The following THSD4 variants were observed in gnomAD, a reference collection of about 807,000 sequenced individuals.
The protein encoded by THSD4 is thrombospondin type 1 domain containing 4.
THSD4 carries 69 observed loss-of-function variants against 119.0 expected under a neutral mutation model. The ratio of observed to expected loss-of-function variants is 0.58; its 90% CI spans 0.48 to 0.71. The LOEUF is 0.71. Ranked by LOEUF, THSD4 falls within the 30% of genes least tolerant of loss-of-function variation. The probability of loss-of-function intolerance (pLI) is 0.00; values close to 1 mark genes in which losing one functional copy is unlikely to be tolerated. For missense variants in THSD4, 1,393 were observed against 1,391.1 expected, an observed-to-expected ratio of 1.00 and a Z score of -0.02; for synonymous variants, 524 against 540.4, an observed-to-expected ratio of 0.97 and a Z score of 0.42.
At chr15:71,338,618 C>T (rs984552341) in intron 6 of THSD4, among the ~76,000 whole-genome samples, 2 of 152,106 alleles carry the variant, frequency 1.3e-5, no homozygotes, top group African/African-American at 2.4e-5. Context: ...GTATTCACTG[C>T]ATCAGGGCTG....
intron 10 of THSD4, chr15:71,732,362 G>T (rs770538944): frequency 5.9e-5 from 9 of 152,060 alleles, no homozygotes; most frequent in Non-Finnish European, 1.3e-4. Flanking sequence ...CTTCCTGGTG[G>T]GCTCTGCTTA....
intron 8 of THSD4, among the ~76,000 whole-genome samples, chr15:71,676,629 C>T (rs562131037): frequency 6.6e-6 from 1 of 152,310 alleles, no homozygotes; most frequent in East Asian, 1.9e-4. Context: ...CAATAGCCCC[C>T]TTCTTTCCCC....
At chr15:71,400,576 G>C (rs1301921429) in intron 6 of THSD4, among the ~76,000 whole-genome samples, 22 of 152,340 alleles carry the variant, frequency 1.4e-4, no homozygotes, top group Non-Finnish European at 1.5e-5. Context: ...GTCTGGCGCT[G>C]CTGTGGCTCT....
In THSD4 at chr15:71,210,079, C is replaced by T. The variant is rs1032605454; in HGVS notation, c.100-4956C>T. On this transcript the variant is annotated intron_variant, in intron 3 of 17. Transcript: ENST00000261862. Reference sequence around the variant, plus strand: ...TACATTGGGTATAAAGTCATTTAAACGCTATCACTCCAATTTTTGTGACCT... The same window carrying T: ...TACATTGGGTATAAAGTCATTTAAATGCTATCACTCCAATTTTTGTGACCT... Among the ~76,000 whole-genome samples, 21 of 152,146 alleles carry T rather than the reference C, an allele frequency of 1.4e-4. 1 individual carries two copies. The highest frequency in any genetic ancestry group is 6.5e-4 in the Admixed American group (10 of 15,276).
intron 14 of THSD4, among the ~76,000 whole-genome samples, chr15:71,757,629 AAGGAT>A (rs2053565195): frequency 6.6e-6 from 1 of 152,140 alleles, no homozygotes; most frequent in African/African-American, 2.4e-5. Context: ...AAAAGCTGGG[AAGGAT>A]AGTCTAACAA....
chr15:71,306,396 T>C lies in THSD4; in HGVS notation c.1015+49681T>C, dbSNP rs144687622. ...TCTTATGGCCAGTATCTTACTAAAC[T>C]ATTTTATCTCATTTTCATCCTCATA... On this transcript the variant is annotated intron_variant, in intron 6 of 17. Coordinates refer to ENST00000261862, the MANE Select transcript of THSD4 (RefSeq NM_024817.3). Among the ~76,000 whole-genome samples the C allele has an allele frequency of 1.7e-4, 26 of 151,468 alleles. No homozygotes were observed. In the East Asian group the frequency reaches 5.1e-3, roughly 29 times the overall value.
intron 6 of THSD4, chr15:71,341,434 G>T: frequency 6.2e-7 from 1 of 1,612,510 alleles, no homozygotes; most frequent in African/African-American, 1.3e-5. Flanking sequence ...TTTTAAGCAT[G>T]TGCAGCAAGA....
intron 10 of THSD4, chr15:71,732,297 A>G (rs777559845): frequency 2.6e-5 from 4 of 152,180 alleles, no homozygotes; most frequent in Non-Finnish European, 4.4e-5. Context: ...TGTTAATAAT[A>G]CTTTGACCTA....
chr15:71,423,845 C>T (rs2046837906), intron 7 of THSD4, among the ~76,000 whole-genome samples: 1 of 152,196 alleles, frequency 6.6e-6, no homozygotes, highest in Admixed American at 6.5e-5. Context: ...TGCCATAACT[C>T]AAGTTCCAAC....
chr15:71,446,745 G>C (rs2047187564), intron 7 of THSD4, among the ~76,000 whole-genome samples: 1 of 152,132 alleles, frequency 6.6e-6, no homozygotes, highest in African/African-American at 2.4e-5. Flanking sequence ...CAAACTCTGT[G>C]TGGCCTCCTC....
chr15:71,535,544 C>T (rs1403528063), intron 7 of THSD4, among the ~76,000 whole-genome samples: 1 of 152,116 alleles, frequency 6.6e-6, no homozygotes, highest in African/African-American at 2.4e-5. Flanking sequence ...GATACAGCTG[C>T]AGACTTTTCC....
At chr15:71,540,916 T>A (rs1260803197) in intron 7 of THSD4, among the ~76,000 whole-genome samples, 1 of 151,356 alleles carries the variant, frequency 6.6e-6, no homozygotes, top group South Asian at 2.1e-4. Flanking sequence ...AGAGATGGGG[T>A]TTCACCATGT....
At chr15:71,472,107 G>C (rs2047588881) in intron 7 of THSD4, among the ~76,000 whole-genome samples, 2 of 152,064 alleles carry the variant, frequency 1.3e-5, no homozygotes, top group African/African-American at 4.8e-5. Flanking sequence ...TGTAGAGACA[G>C]GGCCTCCCTA....
At chr15:71,401,397 A>G (rs1377106725) in intron 6 of THSD4, among the ~76,000 whole-genome samples, 2 of 152,048 alleles carry the variant, frequency 1.3e-5, no homozygotes, top group African/African-American at 2.4e-5. Context: ...ATTGGTTTTT[A>G]TTTTCTATTC....
intron 6 of THSD4, among the ~76,000 whole-genome samples, chr15:71,372,547 C>A (rs2046069373): frequency 6.6e-6 from 1 of 152,230 alleles, no homozygotes; most frequent in Admixed American, 6.5e-5. Context: ...ATGTCCACTG[C>A]AGACCCTGTT....
chr15:71,243,539 G>A (rs1055605722), intron 5 of THSD4, among the ~76,000 whole-genome samples: 8 of 152,128 alleles, frequency 5.3e-5, no homozygotes, highest in Non-Finnish European at 8.8e-5. Flanking sequence ...TTCTCTTAGG[G>A]GAAGAGCTGG....
At chr15:71,135,991 GTTTTTTTTTT>G (rs10540241) in intron 1 of THSD4, among the ~76,000 whole-genome samples, 1,578 of 69,120 alleles carry the variant, frequency 0.023, 54 homozygotes, top group African/African-American at 0.075. Context: ...GTTTAGTTTA[GTTTTTTTTTT>G]TTTTTTTTTT....
At chr15:71,326,332 C>T (rs183061003) in intron 6 of THSD4, among the ~76,000 whole-genome samples, 3 of 152,026 alleles carry the variant, frequency 2.0e-5, no homozygotes, top group East Asian at 3.9e-4. Context: ...CCAGAGTGAA[C>T]ACTCAGAAAA....
At chr15:71,302,409 G>C (rs1016090347) in intron 6 of THSD4, among the ~76,000 whole-genome samples, 1 of 152,168 alleles carries the variant, frequency 6.6e-6, no homozygotes, top group Non-Finnish European at 1.5e-5. Flanking sequence ...GGCTGAATCA[G>C]GGACACAGCA....
Sources: allele counts gnomAD v4.1 joint callset (sites outside exome capture counted in the v4.1 genomes callset), GRCh38; gene constraint gnomAD v4.1.1; transcripts MANE v1.5; gene names NCBI Gene and HGNC (gene_info 2026-07-23, HGNC 2026-07-21).